Variants in FBXO15 observed in about 807,000 individuals in gnomAD.
The protein encoded by FBXO15 is F-box only protein 15.
A neutral mutation model predicts 49.5 loss-of-function variants in FBXO15; 30 were observed. The ratio of observed to expected loss-of-function variants is 0.61; its 90% CI spans 0.45 to 0.82. The LOEUF is 0.82. FBXO15 is among the 40% of genes least tolerant of loss of function. The probability of loss-of-function intolerance (pLI) is 0.00; values close to 1 mark genes in which losing one functional copy is unlikely to be tolerated. For missense variants in FBXO15, 591 were observed against 631.5 expected, an observed-to-expected ratio of 0.94 and a Z score of 0.69; for synonymous variants, 250 against 232.7, an observed-to-expected ratio of 1.07 and a Z score of -0.68.
chr18:74,106,519 T>C, intron 8 of FBXO15, among the ~76,000 whole-genome samples: 1 of 152,200 alleles, frequency 6.6e-6, no homozygotes. Context: ...TGAAGCATTC[T>C]TTAGTACCTC....
chr18:74,124,354 T>C, intron 7 of FBXO15, 135 bp downstream of exon 7: 1 of 674,764 alleles, frequency 1.5e-6, no homozygotes, highest in Non-Finnish European at 2.5e-6. Context: ...CAGCTAATTG[T>C]GCCTGTTGGT....
At chr18:74,114,369 C>G (rs1914143971) in intron 8 of FBXO15, among the ~76,000 whole-genome samples, 1 of 152,186 alleles carries the variant, frequency 6.6e-6, no homozygotes, top group Non-Finnish European at 1.5e-5. Flanking sequence ...CACCCCATGC[C>G]CTTTTTAACT....
In FBXO15 at chr18:74,133,375, A is replaced by G. The variant is rs189175441; in HGVS notation, c.332+2387T>C. ...TGATTCCAGGCCTGGTTTCTTCACC[A>G]TGCAGGTGAAGTGGAGAGAGAAGAC... On this transcript the variant is annotated intron_variant, in intron 3 of 9. Coordinates refer to ENST00000419743, the MANE Select transcript of FBXO15 (RefSeq NM_001142958.2). Among the ~76,000 whole-genome samples the G allele has an allele frequency of 2.3e-3, 351 of 152,290 alleles. 1 individual carries two copies. The highest frequency in any genetic ancestry group is 8.1e-3 in the African/African-American group (337 of 41,564).
chr18:74,106,924 G>C (rs569845450), intron 8 of FBXO15, among the ~76,000 whole-genome samples: 4 of 152,132 alleles, frequency 2.6e-5, no homozygotes, highest in Admixed American at 2.0e-4. Flanking sequence ...GAACTATTTA[G>C]TGGCATTTGA....
At chr18:74,119,766 G>C (rs150673540) in intron 8 of FBXO15, among the ~76,000 whole-genome samples, 292 of 152,280 alleles carry the variant, frequency 1.9e-3, no homozygotes, top group African/African-American at 5.8e-3. Context: ...AAAAGGATAA[G>C]GCCAGAGAGG....
At chr18:74,111,298 C>T (rs1336709480) in intron 8 of FBXO15, among the ~76,000 whole-genome samples, 1 of 145,370 alleles carries the variant, frequency 6.9e-6, no homozygotes, top group African/African-American at 2.5e-5. Flanking sequence ...ACATAAAACA[C>T]ACCTTAACAA....
At chr18:74,097,011 T>A (rs1408521111) in intron 8 of FBXO15, 4 of 152,286 alleles carry the variant, frequency 2.6e-5, no homozygotes, top group African/African-American at 7.2e-5. Context: ...CACGGGTCCT[T>A]ACCTGGAGCT....
chr18:74,117,287 C>T (rs967615288), intron 8 of FBXO15, among the ~76,000 whole-genome samples: 4 of 152,108 alleles, frequency 2.6e-5, no homozygotes, highest in Non-Finnish European at 5.9e-5. Context: ...GCCAATTATT[C>T]CTAACTCAGT....
At position 74,082,534 on chromosome 18, in the gene FBXO15, C is replaced by T. The variant is rs1435643728; in HGVS notation, c.1139-483G>A. Among the ~76,000 whole-genome samples, 4 of 152,214 alleles carry T rather than the reference C, an allele frequency of 2.6e-5. No individual in the cohort carries two copies. In the East Asian group the frequency reaches 7.7e-4, roughly 29 times the overall value. ...CCAACACCTCTGCACATGCTTGTAA[C>T]TGAGTGAGAGTCCGTGCACATGCCC... On this transcript the variant is annotated intron_variant, in intron 8 of 9. Coordinates refer to ENST00000419743, the MANE Select transcript of FBXO15 (RefSeq NM_001142958.2).
intron 8 of FBXO15, among the ~76,000 whole-genome samples, chr18:74,092,005 T>C (rs1329908096): frequency 6.6e-6 from 1 of 152,216 alleles, no homozygotes; most frequent in Non-Finnish European, 1.5e-5. Context: ...TCTCCATGTC[T>C]TTCAGGGAGG....
At chr18:74,086,932 C>T (rs910048915) in intron 8 of FBXO15, among the ~76,000 whole-genome samples, 2 of 152,162 alleles carry the variant, frequency 1.3e-5, no homozygotes, top group African/African-American at 4.8e-5. Flanking sequence ...CTCAGACGTA[C>T]CGCAGATTCA....
chr18:74,084,421 T>A (rs1457436377), intron 8 of FBXO15, among the ~76,000 whole-genome samples: 5 of 152,216 alleles, frequency 3.3e-5, no homozygotes, highest in South Asian at 2.1e-4. Context: ...GCAGAGGCAG[T>A]GGCAGGGGCC....
At chr18:74,108,299 T>A (rs1048546859) in intron 8 of FBXO15, among the ~76,000 whole-genome samples, 15 of 151,834 alleles carry the variant, frequency 9.9e-5, no homozygotes, top group Admixed American at 2.6e-4. Context: ...AAAAATTTTT[T>A]AAAAAAAGAC....
At chr18:74,099,482 A>T (rs1443334440) in intron 8 of FBXO15, 1 of 152,176 alleles carries the variant, frequency 6.6e-6, no homozygotes, top group Non-Finnish European at 1.5e-5. Flanking sequence ...TAAAAGCATA[A>T]ATCTCACAGG....
At chr18:74,126,691 G>A (rs751240837) in intron 5 of FBXO15, among the ~76,000 whole-genome samples, 47 of 152,148 alleles carry the variant, frequency 3.1e-4, no homozygotes, top group Non-Finnish European at 6.0e-4. Flanking sequence ...TGAGGAGCTG[G>A]GGCCACATCT....
Position 74,129,535 on chromosome 18 carries a change from T to C in FBXO15, c.655A>G (p.Ile219Val). The change falls in exon 5 of 10, where the codon ATA (isoleucine) becomes GTA (valine). Residue 219 changes from isoleucine (I) to valine (V), a missense_variant. By Grantham distance (29) the Ile-to-Val change is conservative. Transcript: ENST00000419743. ...EYIMEHVDLS[I>V]NDTSVTVIWY... ...ATAACAGTAACTGATGTGTCATTTA[T>C]GGAAAGATCAACATGCTCCATGATA... The C allele has an allele frequency of 1.2e-6, 2 of 1,613,762 alleles. No individual in the cohort carries two copies. The highest frequency in any genetic ancestry group is 1.7e-6 in the Non-Finnish European group (2 of 1,179,944).
chr18:74,102,682 T>C (rs111511243), intron 8 of FBXO15, among the ~76,000 whole-genome samples: 20 of 152,270 alleles, frequency 1.3e-4, no homozygotes, highest in African/African-American at 1.9e-4. Context: ...CAGTTCACAA[T>C]TGCAAAAATG....
chr18:74,126,537 T>C (rs984500876), intron 5 of FBXO15, among the ~76,000 whole-genome samples: 3 of 152,228 alleles, frequency 2.0e-5, no homozygotes, highest in East Asian at 1.9e-4. Context: ...TCTCAGGAGA[T>C]GGCTGGAAAG....
Position 74,147,697 on chromosome 18 carries a change from CGGGCCGCGCCACCGCCCCT to C in FBXO15, c.70_88del (p.Arg24GlyfsTer24), listed in dbSNP as rs1979536693. 1 of 1,513,030 alleles carries C rather than the reference CGGGCCGCGCCACCGCCCCT, an allele frequency of 6.6e-7. No individual in the cohort carries two copies. Among genetic ancestry groups the C allele is most frequent in the Non-Finnish European group, 8.8e-7 (1 of 1,133,574 alleles). 93.7% of individuals were successfully genotyped at this position (1,513,030 alleles called of 1,614,324 possible). A position where few individuals can be genotyped will look rare whatever the true frequency, so the allele number is the denominator to read the frequency against. On this transcript the variant is annotated frameshift_variant, in exon 1 of 10. Coordinates refer to ENST00000419743, the MANE Select transcript of FBXO15 (RefSeq NM_001142958.2). LOFTEE classifies it high-confidence loss of function. ...GCACCCAAAGGCCCTGGCGCGCCCC[CGGGCCGCGCCACCGCCCCT>C]GCTGGGCCCGCGCAGCGTCTGGAGG... is the stretch of plus-strand genomic sequence containing the variant.
Sources: allele counts gnomAD v4.1 joint callset (sites outside exome capture counted in the v4.1 genomes callset), GRCh38; gene constraint gnomAD v4.1.1; transcripts MANE v1.5; gene names NCBI Gene and HGNC (gene_info 2026-07-23, HGNC 2026-07-21).